ATP11A: variants seen among roughly 807,000 people sequenced by gnomAD.
ATP11A encodes the protein ATPase phospholipid transporting 11A.
In ATP11A, 81 loss-of-function variants were observed where a neutral mutation model predicts 154.4. The ratio of observed to expected loss-of-function variants is 0.52; its 90% CI spans 0.44 to 0.63. The LOEUF (loss-of-function observed/expected upper bound fraction) is 0.63, where lower values mean the gene tolerates loss of function less well. Among genes scored for constraint, ATP11A ranks in the 30% least tolerant of loss-of-function variants. The pLI, the probability that ATP11A is intolerant of heterozygous loss-of-function variation, is 0.00. For synonymous variants in ATP11A, 623 were observed against 585.9 expected (o/e 1.06, Z -0.91); for missense variants, 1,316 against 1,474.3 (o/e 0.89, Z 1.76).
Position 112,836,261 on chromosome 13 carries a change from C to G in ATP11A, c.1705+10C>G. 6.3e-7 allele frequency: 1 copy of G among 1,580,426 alleles called. No individual in the cohort carries two copies. Among genetic ancestry groups the G allele is most frequent in the Non-Finnish European group, 8.7e-7 (1 of 1,153,072 alleles). On this transcript the variant is annotated intron_variant, in intron 16 of 29. Coordinates refer to ENST00000375645, the MANE Select transcript of ATP11A (RefSeq NM_015205.3). Reference sequence around the variant, plus strand: ...GTAAAATCTGCTACAGGTAAAATTTCTTTTTCTTTTGATTTATTAAGTTAT... The same window carrying G: ...GTAAAATCTGCTACAGGTAAAATTTGTTTTTCTTTTGATTTATTAAGTTAT...
At chr13:112,713,209 A>G (rs985332532) in intron 1 of ATP11A, among the ~76,000 whole-genome samples, 11 of 152,204 alleles carry the variant, frequency 7.2e-5, no homozygotes, top group Non-Finnish European at 1.3e-4. Flanking sequence ...GGCCTGGCCA[A>G]CATGGTGAAA....
chr13:112,785,610 A>G lies in ATP11A; in HGVS notation c.162+353A>G, dbSNP rs2077605699. On this transcript the variant is annotated intron_variant, in intron 2 of 29. Coordinates refer to ENST00000375645, the MANE Select transcript of ATP11A (RefSeq NM_015205.3). The surrounding 1 kb of genome is among the most constrained non-coding windows in gnomAD (Gnocchi z 4.8). ...GCTTGTCGTGGGCCACCCTGGCCAG[A>G]GTCTCAGTGCCAGTAAGGTAGAAAC... 6.6e-6 allele frequency among the ~76,000 whole-genome samples: 1 copy of G among 152,066 alleles called. No homozygotes were observed. Among genetic ancestry groups the G allele is most frequent in the African/African-American group, 2.4e-5 (1 of 41,404 alleles).
In ATP11A at chr13:112,883,183, C is replaced by G. The variant is rs952649508; in HGVS notation, c.*1317C>G. 26 of 398,872 alleles carry G rather than the reference C, an allele frequency of 6.5e-5. No individual in the cohort carries two copies. The Admixed American group carries it at 9.7e-4, about 15-fold the overall frequency. 24.7% of individuals were successfully genotyped at this position (398,872 alleles called of 1,614,324 possible). A position where few individuals can be genotyped will look rare whatever the true frequency, so the allele number is the denominator to read the frequency against. Reference sequence around the variant, plus strand: ...CCCACATACCCTCGTCCCCATGTCCCCACGCAGGGCTCTCCTTCGTCTTAG... The same window carrying G: ...CCCACATACCCTCGTCCCCATGTCCGCACGCAGGGCTCTCCTTCGTCTTAG... On this transcript the variant is annotated 3_prime_UTR_variant, in exon 30 of 30. Coordinates refer to ENST00000375645, the MANE Select transcript of ATP11A (RefSeq NM_015205.3).
At chr13:112,727,968 G>A (rs1226196111) in intron 1 of ATP11A, among the ~76,000 whole-genome samples, 1 of 152,222 alleles carries the variant, frequency 6.6e-6, no homozygotes, top group Admixed American at 6.5e-5. Context: ...TAGGGTTCCA[G>A]CAAGGGCCGT....
chr13:112,878,402 C>A, intron 29 of ATP11A, 99 bp downstream of exon 29: 2 of 1,328,136 alleles, frequency 1.5e-6, no homozygotes, highest in Non-Finnish European at 2.1e-6. Flanking sequence ...TCTGACGCAG[C>A]GTCCACCAGG....
intron 8 of ATP11A, among the ~76,000 whole-genome samples, chr13:112,822,245 A>G (rs2078815795): frequency 6.6e-6 from 1 of 152,192 alleles, no homozygotes; most frequent in African/African-American, 2.4e-5. Context: ...TTTCTCCCTT[A>G]CTACTTAGGA....
intron 11 of ATP11A, 31 bp from the exon 12 acceptor site, chr13:112,826,663 A>G: frequency 6.2e-7 from 1 of 1,600,360 alleles, no homozygotes; most frequent in Middle Eastern, 1.9e-4. Flanking sequence ...CTCCTGGTGG[A>G]GGTGCTGACC....
intron 29 of ATP11A, chr13:112,880,904 A>T: frequency 1.0e-6 from 1 of 994,862 alleles, no homozygotes; most frequent in Non-Finnish European, 1.2e-6. Flanking sequence ...GCCTGACCAG[A>T]CCCAGCATCG....
At chr13:112,777,830 C>A (rs1232217213) in intron 1 of ATP11A, among the ~76,000 whole-genome samples, 1 of 152,124 alleles carries the variant, frequency 6.6e-6, no homozygotes, top group East Asian at 1.9e-4. Flanking sequence ...TCCATGCAGC[C>A]AGGAAGCCCT....
chr13:112,783,627 T>A (rs1372024024), intron 1 of ATP11A, among the ~76,000 whole-genome samples: 5 of 152,244 alleles, frequency 3.3e-5, no homozygotes, highest in African/African-American at 1.2e-4. Flanking sequence ...CAGCTGTGTT[T>A]CTCATGCCCC....
intron 14 of ATP11A, among the ~76,000 whole-genome samples, chr13:112,833,769 G>A (rs558078624): frequency 1.3e-5 from 2 of 152,338 alleles, no homozygotes; most frequent in South Asian, 2.1e-4. Flanking sequence ...ACATGCGTAG[G>A]TGAGGCTTCT....
At position 112,852,949 on chromosome 13, in the gene ATP11A, G is replaced by A. The variant is rs555094108; in HGVS notation, c.1992-1330G>A. Among the ~76,000 whole-genome samples the A allele has an allele frequency of 5.9e-5, 9 of 152,328 alleles. No individual in the cohort carries two copies. In the East Asian group the frequency reaches 7.7e-4, roughly 13 times the overall value. ...CACGCTTGTAAACAGGGCCAGGCCC[G>A]GTGGAGCACGCTTGTAATCCTCGCA... On this transcript the variant is annotated intron_variant, in intron 18 of 29. Transcript: ENST00000375645.
At chr13:112,840,157 CA>C (rs2140282852) in intron 16 of ATP11A, among the ~76,000 whole-genome samples, 3 of 112,252 alleles carry the variant, frequency 2.7e-5, no homozygotes, top group Non-Finnish European at 3.9e-5. Flanking sequence ...TCAGCCTCCC[CA>C]CTCTCCCATC....
At chr13:112,715,427 C>T (rs28472328) in intron 1 of ATP11A, among the ~76,000 whole-genome samples, 51 of 10,870 alleles carry the variant, frequency 4.7e-3, no homozygotes, top group East Asian at 0.023. Context: ...ACCTGGCCCA[C>T]CTCCCCACAC....
At chr13:112,712,353 C>G (rs73576423) in intron 1 of ATP11A, among the ~76,000 whole-genome samples, 13,920 of 152,198 alleles carry the variant, frequency 0.091, 2,064 homozygotes, top group African/African-American at 0.31. Context: ...CTGGTTTTCT[C>G]CAGCAGCCTT....
At chr13:112,829,917 T>C (rs1477532759) in intron 12 of ATP11A, among the ~76,000 whole-genome samples, 3 of 152,192 alleles carry the variant, frequency 2.0e-5, no homozygotes, top group Non-Finnish European at 4.4e-5. Flanking sequence ...GAAAAAGAAA[T>C]CAAAGACTTT....
At chr13:112,818,143 G>A (rs936469630) in intron 6 of ATP11A, among the ~76,000 whole-genome samples, 3 of 150,168 alleles carry the variant, frequency 2.0e-5, no homozygotes, top group Non-Finnish European at 3.0e-5. Flanking sequence ...TTGGTGACAC[G>A]GCGGTGACCG....
At chr13:112,740,464 G>A (rs1364493450) in intron 1 of ATP11A, among the ~76,000 whole-genome samples, 2 of 152,172 alleles carry the variant, frequency 1.3e-5, no homozygotes, top group African/African-American at 4.8e-5. Context: ...ATGAGCTACT[G>A]TCTCGGCCCA....
At chr13:112,693,344 C>T (rs751671847) in intron 1 of ATP11A, among the ~76,000 whole-genome samples, 5 of 149,328 alleles carry the variant, frequency 3.3e-5, no homozygotes, top group East Asian at 2.0e-4. Flanking sequence ...TGGGGAAAAG[C>T]GTGTGTGCCG....
Sources: gnomAD v4.1 joint callset for allele counts (sites outside exome capture counted in the v4.1 genomes callset) on GRCh38, gnomAD v4.1.1 for gene constraint, Gnocchi (gnomAD v3.1) non-coding constraint, MANE v1.5 for transcripts, NCBI Gene and HGNC (gene_info 2026-07-23, HGNC 2026-07-21) for gene names.